Variants in DNAH17 observed in about 807,000 individuals in gnomAD.
DNAH17 encodes axonemal beta dynein heavy chain 17.
In DNAH17, 376 loss-of-function variants were observed where a neutral mutation model predicts 485.6. The observed-to-expected ratio is 0.77, with a 90% CI of 0.71 to 0.84. The LOEUF is 0.84. Among genes scored for constraint, DNAH17 ranks in the 40% least tolerant of loss-of-function variants. DNAH17 has a pLI of 0.00. For missense variants in DNAH17, 6,370 were observed against 5,839.3 expected (o/e 1.09, Z -2.96); for synonymous variants, 3,031 against 2,405.9 (o/e 1.26, Z -7.60).
intron 51 of DNAH17, 69 bp downstream of exon 51, chr17:78,478,956 G>T: frequency 7.4e-7 from 1 of 1,342,468 alleles, no homozygotes; most frequent in Non-Finnish European, 1.1e-6. Context: ...GAGCTGTGAT[G>T]AGGAAAGCAC....
At chr17:78,453,522 C>T (rs543315705) in intron 64 of DNAH17, 57 bp from the exon 65 acceptor site, 66 of 1,599,280 alleles carry the variant, frequency 4.1e-5, no homozygotes, top group South Asian at 3.6e-4. Flanking sequence ...TGGAACGGTG[C>T]GCACGCTCCG....
At chr17:78,426,689 G>C in intron 78 of DNAH17, 89 bp from the exon 79 acceptor site, 1 of 1,499,126 alleles carries the variant, frequency 6.7e-7, no homozygotes. Context: ...TGTCAACACA[G>C]TGTGGCTTTG....
intron 6 of DNAH17, 94 bp downstream of exon 6, chr17:78,570,854 C>T: frequency 2.0e-6 from 1 of 503,400 alleles, no homozygotes; most frequent in South Asian, 2.3e-5. Flanking sequence ...GAGACTCCCT[C>T]TCAAAAAAAA....
chr17:78,428,785 T>C (rs2086571082), intron 76 of DNAH17, 78 bp from the exon 77 acceptor site: 2 of 1,530,216 alleles, frequency 1.3e-6, no homozygotes, highest in Non-Finnish European at 1.8e-6. Context: ...AAGCATTCCT[T>C]GCCAGAACGT....
At chr17:78,486,896 G>A (rs532961148) in intron 44 of DNAH17, among the ~76,000 whole-genome samples, 38 of 152,104 alleles carry the variant, frequency 2.5e-4, no homozygotes, top group African/African-American at 9.1e-4. Context: ...CAGTAAGGGA[G>A]CAGAAAGGAG....
intron 25 of DNAH17, among the ~76,000 whole-genome samples, chr17:78,516,723 C>A (rs1337287005): frequency 6.8e-6 from 1 of 147,258 alleles, no homozygotes; most frequent in Admixed American, 6.8e-5. Flanking sequence ...GAGAGAGAGA[C>A]AGACTCAAAA....
At chr17:78,558,051 C>G (rs768461185) in intron 14 of DNAH17, 57 bp downstream of exon 14, 2 of 1,545,468 alleles carry the variant, frequency 1.3e-6, no homozygotes, top group Non-Finnish European at 1.7e-6. Context: ...ACAAACTTGA[C>G]AAAAAACCAA....
At chr17:78,485,519 G>A (rs772198598) in intron 47 of DNAH17, 31 bp downstream of exon 47, 5 of 1,537,436 alleles carry the variant, frequency 3.3e-6, no homozygotes, top group Non-Finnish European at 3.5e-6. Context: ...GGGGCAGCCG[G>A]GTAGGCAGGG....
At chr17:78,568,421 G>T (rs2092302371) in intron 9 of DNAH17, among the ~76,000 whole-genome samples, 1 of 152,134 alleles carries the variant, frequency 6.6e-6, no homozygotes, top group Non-Finnish European at 1.5e-5. Context: ...ATGCTTTACA[G>T]TTCCAGGATG....
intron 72 of DNAH17, among the ~76,000 whole-genome samples, chr17:78,439,485 G>A (rs571724029): frequency 1.6e-4 from 24 of 151,936 alleles, no homozygotes; most frequent in African/African-American, 5.3e-4. Context: ...TTAGGCAGTC[G>A]CTCCCAATCT....
intron 58 of DNAH17, among the ~76,000 whole-genome samples, chr17:78,461,132 G>A (rs1486608275): frequency 2.6e-5 from 4 of 151,810 alleles, no homozygotes; most frequent in African/African-American, 4.8e-5. Flanking sequence ...GGGGGGGCCC[G>A]GAGCCGCACG....
In DNAH17 at chr17:78,478,061, C is replaced by CCACCATCACCACCACCATCAT. The variant is rs1248236819; in HGVS notation, c.7992+943_7992+963dup. On this transcript the variant is annotated intron_variant, in intron 51 of 80. Coordinates refer to ENST00000389840, the MANE Select transcript of DNAH17 (RefSeq NM_173628.4). ...ACCACCATCATTACCATTATCATCT[C>CCACCATCACCACCACCATCAT]CACCATCACCACCACCATCATCACC... is the stretch of plus-strand genomic sequence containing the variant. Among the ~76,000 whole-genome samples the CCACCATCACCACCACCATCAT allele has an allele frequency of 5.5e-5, 8 of 144,332 alleles. No homozygotes were observed. In the East Asian group the frequency reaches 1.1e-3, roughly 20 times the overall value. 94.7% of individuals were successfully genotyped at this position (144,332 alleles called of 152,430 possible).
chr17:78,487,257 C>G (rs1447047416), intron 44 of DNAH17, among the ~76,000 whole-genome samples: 2 of 152,182 alleles, frequency 1.3e-5, no homozygotes, highest in Non-Finnish European at 2.9e-5. Context: ...TCCCTGGTTT[C>G]TCATCTGTAA....
intron 58 of DNAH17, 24 bp downstream of exon 58, chr17:78,461,520 G>T: frequency 6.5e-7 from 1 of 1,536,812 alleles, no homozygotes; most frequent in South Asian, 1.2e-5. Flanking sequence ...CTTCCTGAAG[G>T]CACGCTGGGC....
intron 11 of DNAH17, among the ~76,000 whole-genome samples, chr17:78,566,320 G>C (rs1249313393): frequency 6.6e-6 from 1 of 152,194 alleles, no homozygotes; most frequent in African/African-American, 2.4e-5. Context: ...TGGGAAAACT[G>C]AATCAAGAAT....
At chr17:78,559,405 G>A (rs1037994313) in intron 13 of DNAH17, among the ~76,000 whole-genome samples, 1 of 152,118 alleles carries the variant, frequency 6.6e-6, no homozygotes, top group Non-Finnish European at 1.5e-5. Flanking sequence ...CTACTCACCT[G>A]ACCCTAAAAC....
At chr17:78,448,445 T>C (rs928490268) in intron 69 of DNAH17, among the ~76,000 whole-genome samples, 2 of 152,172 alleles carry the variant, frequency 1.3e-5, no homozygotes, top group African/African-American at 4.8e-5. Context: ...GAGGATTGCT[T>C]GAGTCCAGGA....
intron 73 of DNAH17, 73 bp from the exon 74 acceptor site, chr17:78,437,941 C>CT: frequency 8.5e-7 from 1 of 1,182,508 alleles, no homozygotes; most frequent in South Asian, 1.4e-5. Context: ...TGGCACGTGG[C>CT]TATGTTCCCT....
At position 78,434,339 on chromosome 17, in the gene DNAH17, G is replaced by C. The variant is rs2086791515; in HGVS notation, c.12034-119C>G. On this transcript the variant is annotated intron_variant, in intron 74 of 80. Coordinates refer to ENST00000389840, the MANE Select transcript of DNAH17 (RefSeq NM_173628.4). Reference sequence around the variant, plus strand: ...TGCTTTGCTAGGGTGGGGGCGGTGGGGGGTACAAAGCTGTGGGCTGTGCAG... The same window carrying C: ...TGCTTTGCTAGGGTGGGGGCGGTGGCGGGTACAAAGCTGTGGGCTGTGCAG... The C allele has an allele frequency of 8.7e-6, 8 of 924,634 alleles. No individual in the cohort carries two copies. In the South Asian group the frequency reaches 1.4e-4, roughly 16 times the overall value. 57.3% of individuals were successfully genotyped at this position (924,634 alleles called of 1,614,324 possible). A position where few individuals can be genotyped will look rare whatever the true frequency, so the allele number is the denominator to read the frequency against.
Sources: allele counts gnomAD v4.1 joint callset (sites outside exome capture counted in the v4.1 genomes callset), GRCh38; gene constraint gnomAD v4.1.1; transcripts MANE v1.5; gene names NCBI Gene and HGNC (gene_info 2026-07-23, HGNC 2026-07-21).